NOTCH4: variants seen among roughly 807,000 people sequenced by gnomAD.
NOTCH4 encodes the protein neurogenic locus notch homolog protein 4.
Under a neutral mutation model 189.0 loss-of-function variants are expected in NOTCH4, and 138 were observed. The ratio of observed to expected loss-of-function variants is 0.73; its 90% confidence interval spans 0.64 to 0.84. The LOEUF is 0.84. Ranked by LOEUF, NOTCH4 falls within the 40% of genes least tolerant of loss-of-function variation. The pLI, the probability that NOTCH4 is intolerant of heterozygous loss-of-function variation, is 0.00. For missense variants in NOTCH4, 2,286 were observed against 2,605.4 expected, an observed-to-expected ratio of 0.88 and a Z score of 2.67; for synonymous variants, 942 against 1,032.8, an observed-to-expected ratio of 0.91 and a Z score of 1.69.
At position 32,222,534 on chromosome 6, in the gene NOTCH4, C is replaced by T; in HGVS notation, c.428G>A (p.Cys143Tyr). The change falls in exon 3 of 30, where the codon TGC (cysteine) becomes TAC (tyrosine). Residue 143 changes from cysteine to tyrosine, a missense_variant. Physicochemically the swap from Cys to Tyr is radical, Grantham distance 194. Transcript: ENST00000375023. ...ACCTGTCCATCCAGGCATGCAGGAG[C>T]ACTGTGGGCGGCCCGAGGCCTGGAT... is the stretch of plus-strand genomic sequence containing the variant. The part of the protein sequence containing the change: ...CHIQASGRPQ[C>Y]SCMPGWTGEQ... 13 of 1,550,280 alleles carry T rather than the reference C, an allele frequency of 8.4e-6. No homozygotes were observed. The highest frequency in any genetic ancestry group is 1.1e-5 in the Non-Finnish European group (13 of 1,153,576).
In NOTCH4 at chr6:32,202,230, C is replaced by T. The variant is rs375443109; in HGVS notation, c.3601G>A (p.Gly1201Arg). ...CSGPGGNWDG[G>R]DCSLGVPDPW... ...TCTGGGACTCCCAGAGAGCAGTCCC[C>T]TCCATCCCAGTTTCCTCCCGGGCCA... The change falls in exon 21 of 30, where the codon GGG becomes AGG. Residue 1201 changes from glycine to arginine, a missense_variant. Gly to Arg is a moderately radical substitution (Grantham distance 125). Transcript: ENST00000375023. This position sits in a 1 kb window ranked among gnomAD's most constrained non-coding sequence, Gnocchi z 5.7. 8.3e-6 allele frequency: 13 copies of T among 1,559,888 alleles called. No homozygotes were observed. The highest frequency in any genetic ancestry group is 1.1e-5 in the Non-Finnish European group (13 of 1,148,894).
At chr6:32,209,300 A>T (rs116753971) in intron 18 of NOTCH4, among the ~76,000 whole-genome samples, 3,218 of 152,292 alleles carry the variant, frequency 0.021, 47 homozygotes, top group Non-Finnish European at 0.033. Context: ...GAGCTAAAAA[A>T]GTTAGTCTCA....
chr6:32,209,612 G>A (rs1334355784), intron 18 of NOTCH4, among the ~76,000 whole-genome samples: 1 of 152,158 alleles, frequency 6.6e-6, no homozygotes, highest in Non-Finnish European at 1.5e-5. Context: ...TCCAGGTGCG[G>A]TGGCTCATAC....
intron 12 of NOTCH4, among the ~76,000 whole-genome samples, chr6:32,214,484 TACAC>T (rs9281674): frequency 7.1e-6 from 1 of 141,158 alleles, no homozygotes; most frequent in Non-Finnish European, 1.5e-5. Flanking sequence ...TATATATATA[TACAC>T]ACATATATAT....
In NOTCH4 at chr6:32,195,502, G is replaced by A. The variant is rs1207504652; in HGVS notation, c.5947C>T (p.Leu1983Phe). 2.5e-6 allele frequency: 4 copies of A among 1,612,870 alleles called. No homozygotes were observed. The highest frequency in any genetic ancestry group is 3.4e-6 in the Non-Finnish European group (4 of 1,179,948). The change falls in exon 30 of 30, where the codon CTT (leucine) becomes TTT (phenylalanine). Residue 1983 changes from leucine (L) to phenylalanine (F), a missense_variant. Coordinates refer to ENST00000375023, the MANE Select transcript of NOTCH4 (RefSeq NM_004557.4). The surrounding 1 kb of genome is among the most constrained non-coding windows in gnomAD (Gnocchi z 5.4). Reference protein sequence around the residue: ...TPSPERGSPQLDCGPPALQEM... With the variant: ...TPSPERGSPQFDCGPPALQEM... ...TGGAGGGCTGGGGGACCACAGTCAA[G>A]TTGAGGTGATCCCCGCTCCGGGGAC...
At chr6:32,196,519 G>A in intron 28 of NOTCH4, 98 bp from the exon 29 acceptor site, 1 of 1,459,940 alleles carries the variant, frequency 6.8e-7, no homozygotes, top group East Asian at 2.3e-5. Context: ...GGCTATTCGG[G>A]CCGGCTGGTC....
chr6:32,207,637 C>A (rs2856435), intron 18 of NOTCH4, among the ~76,000 whole-genome samples: 29 of 141,366 alleles, frequency 2.1e-4, no homozygotes, highest in Non-Finnish European at 3.4e-4. Context: ...ATCCCCCCCC[C>A]CCAAAAAAAA....
intron 5 of NOTCH4, 40 bp downstream of exon 5, chr6:32,220,716 C>G: frequency 6.2e-7 from 1 of 1,613,116 alleles, no homozygotes. Flanking sequence ...GGCCAACTCT[C>G]TGGGCCATGG....
chr6:32,197,177 A>C, intron 27 of NOTCH4, 105 bp from the exon 28 acceptor site: 2 of 1,521,606 alleles, frequency 1.3e-6, no homozygotes, highest in Non-Finnish European at 1.8e-6. Context: ...CATCCTCCGC[A>C]GTTTCCCTGT....
chr6:32,214,124 G>C lies in NOTCH4; in HGVS notation c.2153C>G (p.Pro718Arg). 1 of 1,612,824 alleles carries C rather than the reference G, an allele frequency of 6.2e-7. No individual in the cohort carries two copies. Among genetic ancestry groups the C allele is most frequent in the Non-Finnish European group, 8.5e-7 (1 of 1,179,468 alleles). Residue 718 changes from proline to arginine, a missense_variant, in exon 13 of 30, where the codon CCT becomes CGT. Coordinates refer to ENST00000375023, the MANE Select transcript of NOTCH4 (RefSeq NM_004557.4). ...GAGGGTCTCACCTGTGTAGCCTGTA[G>C]GGCAGGTGCAGTTGTAGCCAGAGGG... is the stretch of plus-strand genomic sequence containing the variant. ...PQPSGYNCTC[P>R]TGYTGPTCSE...
Position 32,196,020 on chromosome 6 carries a change from C to T in NOTCH4, c.5429G>A (p.Arg1810His). ...GLAPADVAHQ[R>H]NHWDLLTLLE... is the part of the protein sequence containing the mutation. ...CAGCGTCAGCAGATCCCAGTGGTTACGTTGGTGAGCGACGTCCGCCGGCGC... is the reference window on the plus strand; with the variant it reads ...CAGCGTCAGCAGATCCCAGTGGTTATGTTGGTGAGCGACGTCCGCCGGCGC... Residue 1810 changes from arginine (R) to histidine (H), a missense_variant, in exon 30 of 30, where the codon CGT (arginine) becomes CAT (histidine). Physicochemically the swap from Arg to His is conservative, Grantham distance 29 (BLOSUM62 0). Transcript: ENST00000375023. The T allele has an allele frequency of 6.3e-7, 1 of 1,598,308 alleles. No individual in the cohort carries two copies. Among genetic ancestry groups the T allele is most frequent in the Non-Finnish European group, 8.5e-7 (1 of 1,178,594 alleles).
rs138394392 is a variant in NOTCH4, at chr6:32,203,824, C to G, written c.3177G>C (p.Gly1059=). 2.6e-5 allele frequency: 40 copies of G among 1,562,708 alleles called. No individual in the cohort carries two copies. The highest frequency in any genetic ancestry group is 3.4e-5 in the Non-Finnish European group (39 of 1,152,896). The change falls in exon 20 of 30, where the codon GGG becomes GGC. Residue 1059 remains glycine, a synonymous_variant. Coordinates refer to ENST00000375023, the MANE Select transcript of NOTCH4 (RefSeq NM_004557.4). ...PCHSQPCFHG[G]TCEATAGSPL... ...GTGATCCTGCTGTGGCCTCACAGGT[C>G]CCTCCATGAAAGCAGGGTTGGCTGT...
At chr6:32,196,650 G>C (rs945770549) in intron 28 of NOTCH4, among the ~76,000 whole-genome samples, 77 of 152,214 alleles carry the variant, frequency 5.1e-4, no homozygotes, top group African/African-American at 1.8e-3. Flanking sequence ...GAGACCGGGA[G>C]ACAGTCTCCC....
In NOTCH4 at chr6:32,201,665, C is replaced by A; in HGVS notation, c.3756-165G>T. ...CAAGTCCTGGATGGTAGTCCAGACA[C>A]CCCAATGTCTGCTAACACCCCTGTC... On this transcript the variant is annotated intron_variant, in intron 21 of 29. Coordinates refer to ENST00000375023, the MANE Select transcript of NOTCH4 (RefSeq NM_004557.4). This position sits in a 1 kb window ranked among gnomAD's most constrained non-coding sequence, Gnocchi z 5.5. 1.8e-6 allele frequency: 1 copy of A among 542,338 alleles called. No individual in the cohort carries two copies. Among genetic ancestry groups the A allele is most frequent in the South Asian group, 5.2e-5 (1 of 19,054 alleles). The allele number at this position is 542,338 out of a possible 1,614,324, so 33.6% of individuals were successfully genotyped here.
intron 1 of NOTCH4, among the ~76,000 whole-genome samples, chr6:32,223,408 C>A (rs143654616): frequency 1.4e-4 from 21 of 152,186 alleles, no homozygotes; most frequent in African/African-American, 4.8e-4. Flanking sequence ...GCTGAGACTT[C>A]GAAGAGATTT....
intron 18 of NOTCH4, among the ~76,000 whole-genome samples, chr6:32,209,198 C>T (rs1353419138): frequency 6.6e-6 from 1 of 152,154 alleles, no homozygotes; most frequent in Admixed American, 6.5e-5. Context: ...TGTGCCACTG[C>T]CTTAGTTAGT....
rs1484584029 is a variant in NOTCH4, at chr6:32,220,828, G to C, written c.850C>G (p.Gln284Glu). The C allele has an allele frequency of 6.2e-7, 1 of 1,614,098 alleles. No homozygotes were observed. Among genetic ancestry groups the C allele is most frequent in the South Asian group, 1.1e-5 (1 of 91,082 alleles). ...EVNPDNCVSH[Q>E]CQNGGTCQDG... ...TGGCAAGTGCCCCCATTCTGACACT[G>C]GTGGCTGACACAGTTGTCTGGATTC... is the stretch of plus-strand genomic sequence containing the variant. Residue 284 changes from glutamine to glutamate, a missense_variant, in exon 5 of 30, where the codon CAG (glutamine) becomes GAG (glutamate). This residue lies in a region of NOTCH4 where 1,903 missense variants were observed against 2,261.9 expected (regional missense o/e 0.84). Coordinates refer to ENST00000375023, the MANE Select transcript of NOTCH4 (RefSeq NM_004557.4).
At chr6:32,196,172 G>A (rs780973099) in intron 29 of NOTCH4, 22 bp from the exon 30 acceptor site, 5 of 1,588,688 alleles carry the variant, frequency 3.1e-6, no homozygotes, top group Non-Finnish European at 4.3e-6. Flanking sequence ...AGCCAGGGCC[G>A]ATATCAGGGA....
rs919103129 is a variant in NOTCH4, at chr6:32,201,139, C to T, written c.4117G>A (p.Glu1373Lys). Reference protein sequence around the residue: ...AAPQTQPLGKETDSLSAGFVV... With the variant: ...AAPQTQPLGKKTDSLSAGFVV... ...TACCCAGCACTGAGGGAGTCGGTCTCCTTGCCCAGGGGCTGCGTTTGAGGG... is the reference window on the plus strand; with the variant it reads ...TACCCAGCACTGAGGGAGTCGGTCTTCTTGCCCAGGGGCTGCGTTTGAGGG... Residue 1373 changes from glutamate to lysine, a missense_variant, in exon 22 of 30, where the codon GAG becomes AAG. Physicochemically the swap from Glu to Lys is moderately conservative, Grantham distance 56. Around this residue, in one of 2 missense-constraint regions of NOTCH4, gnomAD observed 1,903 missense variants for 2,261.9 expected, o/e 0.84. Coordinates refer to ENST00000375023, the MANE Select transcript of NOTCH4 (RefSeq NM_004557.4). The surrounding 1 kb of genome is among the most constrained non-coding windows in gnomAD (Gnocchi z 5.5). The T allele has an allele frequency of 3.1e-6, 5 of 1,611,868 alleles. No individual in the cohort carries two copies. The highest frequency in any genetic ancestry group is 2.2e-5 in the East Asian group (1 of 44,888).
Sources: allele counts gnomAD v4.1 joint callset (sites outside exome capture counted in the v4.1 genomes callset), GRCh38; gene constraint gnomAD v4.1.1; regional missense constraint gnomAD v4.1.1; non-coding constraint Gnocchi (gnomAD v3.1); transcripts MANE v1.5; gene names NCBI Gene and HGNC (gene_info 2026-07-23, HGNC 2026-07-21).